Variants in STK3 observed in about 807,000 individuals in gnomAD.
STK3 encodes the protein serine/threonine kinase 3.
In STK3, 41 loss-of-function variants were observed where a neutral mutation model predicts 58.0. The ratio of observed to expected loss-of-function variants is 0.71; its 90% CI spans 0.55 to 0.92. The LOEUF is 0.92. Ranked by LOEUF, STK3 falls within the 40% of genes least tolerant of loss-of-function variation. STK3 has a pLI of 0.00. For missense variants in STK3, 479 were observed against 602.7 expected, an observed-to-expected ratio of 0.79 and a Z score of 2.15; for synonymous variants, 170 against 191.0, an observed-to-expected ratio of 0.89 and a Z score of 0.91.
At chr8:98,923,786 A>G (rs1839662836) in intron 1 of STK3, among the ~76,000 whole-genome samples, 2 of 150,912 alleles carry the variant, frequency 1.3e-5, no homozygotes, top group South Asian at 4.2e-4. Context: ...AAAAACCAGA[A>G]CATAAAACTC....
intron 3 of STK3, among the ~76,000 whole-genome samples, chr8:98,751,413 G>C (rs1043127771): frequency 9.9e-5 from 15 of 152,074 alleles, no homozygotes; most frequent in African/African-American, 3.4e-4. Flanking sequence ...AAAGTCTCAG[G>C]ATACAAAAGC....
At chr8:98,879,370 A>G (rs1837708095), downstream of STK3, 1 of 152,226 alleles carries the variant, frequency 6.6e-6, no homozygotes, top group Non-Finnish European at 1.5e-5. Context: ...ACCCACGGAT[A>G]CGGATGGCTG....
At chr8:98,728,617 G>A (rs1480444246) in intron 4 of STK3, among the ~76,000 whole-genome samples, 1 of 152,106 alleles carries the variant, frequency 6.6e-6, no homozygotes, top group Non-Finnish European at 1.5e-5. Context: ...CACATGAAAA[G>A]ATTCCTGAAA....
At chr8:98,646,466 C>G (rs1317952747) in intron 6 of STK3, among the ~76,000 whole-genome samples, 7 of 152,174 alleles carry the variant, frequency 4.6e-5, no homozygotes, top group Non-Finnish European at 7.4e-5. Flanking sequence ...TAACTCTATT[C>G]AGAGCTAGCC....
chr8:98,478,275 T>C (rs978947957), intron 10 of STK3, among the ~76,000 whole-genome samples: 3 of 152,186 alleles, frequency 2.0e-5, no homozygotes, highest in Non-Finnish European at 4.4e-5. Flanking sequence ...CAAACTCTTT[T>C]TCTTAAGGCG....
upstream of STK3, among the ~76,000 whole-genome samples, chr8:98,827,800 C>T (rs1412687738): frequency 3.9e-5 from 6 of 152,006 alleles, no homozygotes; most frequent in African/African-American, 1.5e-4. Flanking sequence ...GACTACAATG[C>T]CCGGCTACAA....
chr8:98,581,058 A>G (rs1056794302), intron 7 of STK3, among the ~76,000 whole-genome samples: 3 of 152,240 alleles, frequency 2.0e-5, no homozygotes, highest in African/African-American at 7.2e-5. Context: ...CCAAAAATAG[A>G]GTTGTGGTTG....
intron 1 of STK3, among the ~76,000 whole-genome samples, chr8:98,824,434 G>A (rs1338834092): frequency 6.6e-6 from 1 of 152,158 alleles, no homozygotes; most frequent in Non-Finnish European, 1.5e-5. Context: ...TCTCAGAGGT[G>A]CTCCTTCCAG....
At chr8:98,763,056 CAA>C (rs1290472478) in intron 3 of STK3, among the ~76,000 whole-genome samples, 3 of 152,234 alleles carry the variant, frequency 2.0e-5, no homozygotes, top group South Asian at 2.1e-4. Context: ...ATAAAAATTT[CAA>C]AAGAGTCCCA....
chr8:98,611,113 C>A (rs1011243351), intron 6 of STK3, among the ~76,000 whole-genome samples: 5 of 152,016 alleles, frequency 3.3e-5, no homozygotes. Context: ...CAGCACAGAG[C>A]TCCTGTGATT....
intron 9 of STK3, among the ~76,000 whole-genome samples, chr8:98,544,374 A>G (rs1321837407): frequency 6.6e-6 from 1 of 152,126 alleles, no homozygotes; most frequent in Non-Finnish European, 1.5e-5. Flanking sequence ...TTTGTATTTA[A>G]TAAGTTAATA....
At position 98,620,344 on chromosome 8, in the gene STK3, A is replaced by G. The variant is rs1331104731; in HGVS notation, c.685-24175T>C. 5.2e-3 allele frequency among the ~76,000 whole-genome samples: 718 copies of G among 138,128 alleles called. 8 individuals are homozygous for G. Among genetic ancestry groups the G allele is most frequent in the African/African-American group, 0.019 (686 of 36,976 alleles). The allele number at this position is 138,128 out of a possible 152,430, so 90.6% of individuals were successfully genotyped here. A position where few individuals can be genotyped will look rare whatever the true frequency, so the allele number is the denominator to read the frequency against. On this transcript the variant is annotated intron_variant, in intron 6 of 10. Coordinates refer to ENST00000419617, the MANE Select transcript of STK3 (RefSeq NM_006281.4). ...GGTGAGGGGAGGGGGGAGGGGTAGC[A>G]TTGGGAGATATACCTAATGCTAGAT...
At chr8:98,799,834 A>G (rs1337278028) in intron 1 of STK3, among the ~76,000 whole-genome samples, 1 of 152,220 alleles carries the variant, frequency 6.6e-6, no homozygotes, top group African/African-American at 2.4e-5. Context: ...TCAAGAAATA[A>G]TGAAATCTAT....
chr8:98,912,381 A>G (rs573621622), intron 1 of STK3, among the ~76,000 whole-genome samples: 5 of 150,978 alleles, frequency 3.3e-5, no homozygotes, highest in Non-Finnish European at 5.9e-5. Flanking sequence ...GCATCTCAAC[A>G]ACAACAACAA....
intron 4 of STK3, among the ~76,000 whole-genome samples, chr8:98,743,161 T>TA (rs1829357462): frequency 6.6e-6 from 1 of 151,820 alleles, no homozygotes; most frequent in Non-Finnish European, 1.5e-5. Flanking sequence ...CTGCCCAAGG[T>TA]ATTTTATAGA....
chr8:98,917,653 C>T (rs1467323518), intron 1 of STK3, among the ~76,000 whole-genome samples: 1 of 152,176 alleles, frequency 6.6e-6, no homozygotes, highest in East Asian at 1.9e-4. Flanking sequence ...TCTCGAATAG[C>T]CCAGCCTCTA....
chr8:98,908,859 A>AG (rs1375606910), intron 1 of STK3, among the ~76,000 whole-genome samples: 17 of 149,586 alleles, frequency 1.1e-4, no homozygotes, highest in Non-Finnish European at 2.2e-4. Flanking sequence ...AAAAAAAAAA[A>AG]AAAAAGAAAA....
At chr8:98,416,474 A>C (rs1166479406) in intron 3 of STK3, among the ~76,000 whole-genome samples, 1 of 151,490 alleles carries the variant, frequency 6.6e-6, no homozygotes, top group African/African-American at 2.4e-5. Context: ...TATAAACAAG[A>C]GCAAAGGAAA....
rs376262088 is a variant in STK3, at chr8:98,789,983, G to A, written c.27-15164C>T. ...GCAGAGGTTGCAATGAGGCGAAATC[G>A]CGCCATTGCACTCCAGACTGGGGGA... On this transcript the variant is annotated intron_variant, in intron 1 of 10. Transcript: ENST00000419617. Among the ~76,000 whole-genome samples, 15 of 146,714 alleles carry A rather than the reference G, an allele frequency of 1.0e-4. No homozygotes were observed. The East Asian group carries it at 2.2e-3, about 22-fold the overall frequency.
Sources: allele counts gnomAD v4.1 joint callset (sites outside exome capture counted in the v4.1 genomes callset), GRCh38; gene constraint gnomAD v4.1.1; transcripts MANE v1.5; gene names NCBI Gene and HGNC (gene_info 2026-07-23, HGNC 2026-07-21).